The following TRIM72 variants were observed in gnomAD, a reference collection of about 807,000 sequenced individuals.
TRIM72 encodes the protein tripartite motif-containing protein 72.
In TRIM72, 33 loss-of-function variants were observed where a neutral mutation model predicts 31.6. The observed-to-expected ratio is 1.04, with a 90% CI of 0.79 to 1.40. The LOEUF (loss-of-function observed/expected upper bound fraction) is 1.40. Ranked by LOEUF, TRIM72 falls within the 40% of genes most tolerant of loss-of-function variation. The pLI is 0.00. For missense variants in TRIM72, 666 were observed against 682.7 expected (o/e 0.98, Z 0.27); for synonymous variants, 301 against 314.4 (o/e 0.96, Z 0.45).
intron 5 of TRIM72, among the ~76,000 whole-genome samples, chr16:31,222,364 G>C (rs2079537630): frequency 6.9e-6 from 1 of 145,672 alleles, no homozygotes; most frequent in Non-Finnish European, 1.5e-5. Flanking sequence ...CTACACCCCA[G>C]CCTGGGTGAT....
At position 31,224,479 on chromosome 16, in the gene TRIM72, C is replaced by A. The variant is rs772123304; in HGVS notation, c.1158C>A (p.Arg386=). 2.7e-6 allele frequency: 4 copies of A among 1,477,494 alleles called. No individual in the cohort carries two copies. The highest frequency in any genetic ancestry group is 3.6e-6 in the Non-Finnish European group (4 of 1,124,940). 91.5% of individuals were successfully genotyped at this position (1,477,494 alleles called of 1,614,324 possible). A position where few individuals can be genotyped will look rare whatever the true frequency, so the allele number is the denominator to read the frequency against. The part of the protein sequence containing the change: ...PSQGLWLLGL[R]EGKILEAHVE... Reference sequence around the variant, plus strand: ...AGGGCCTGTGGCTGCTGGGGCTGCGCGAGGGCAAGATCCTGGAGGCACACG... The same window carrying A: ...AGGGCCTGTGGCTGCTGGGGCTGCGAGAGGGCAAGATCCTGGAGGCACACG... Residue 386 remains arginine (R), a synonymous_variant, in exon 7 of 7, where the codon CGC becomes CGA. Coordinates refer to ENST00000322122, the MANE Select transcript of TRIM72 (RefSeq NM_001008274.4).
rs199876193 is a variant in TRIM72, at chr16:31,215,120, C to T, written c.382C>T (p.Arg128Cys). Residue 128 changes from arginine (R) to cysteine (C), a missense_variant, in exon 2 of 7, where the codon CGC becomes TGC. Transcript: ENST00000322122. This position sits in a 1 kb window ranked among gnomAD's most constrained non-coding sequence, Gnocchi z 6.3. ...CCTGCCTGCCGCCGAGGCCCACGCA[C>T]GCCTCAAGGTGCGGGATCCGCGCGC... is the stretch of plus-strand genomic sequence containing the variant. Reference protein sequence around the residue: ...RLLPAAEAHARLKTQLPQQKL... With the variant: ...RLLPAAEAHACLKTQLPQQKL... The T allele has an allele frequency of 9.0e-4, 1,296 of 1,442,044 alleles. 1 individual carries two copies. The highest frequency in any genetic ancestry group is 1.1e-3 in the Non-Finnish European group (1,265 of 1,106,706). The allele number at this position is 1,442,044 out of a possible 1,614,324, so 89.3% of individuals were successfully genotyped here. A position where few individuals can be genotyped will look rare whatever the true frequency, so the allele number is the denominator to read the frequency against.
intron 1 of TRIM72, 36 bp from the exon 2 acceptor site, chr16:31,214,696 C>A: frequency 2.7e-6 from 4 of 1,490,686 alleles, no homozygotes. Flanking sequence ...AGCGCGGCGC[C>A]GCGGGGTCCC....
At chr16:31,221,965 A>C (rs988408675) in intron 5 of TRIM72, among the ~76,000 whole-genome samples, 1 of 151,878 alleles carries the variant, frequency 6.6e-6, no homozygotes, top group Admixed American at 6.6e-5. Flanking sequence ...TGCTGGGAGA[A>C]TGGCATTGCT....
rs34887090 is a variant in TRIM72 at position 31,231,033 on chromosome 16, G to GT, written c.*6288dup. 2,374 of 147,378 alleles carry GT rather than the reference G, an allele frequency of 0.016. 31 individuals are homozygous for GT. The highest frequency in any genetic ancestry group is 0.026 in the Non-Finnish European group (1,743 of 66,498). 9.1% of individuals were successfully genotyped at this position (147,378 alleles called of 1,614,324 possible). On this transcript the variant is annotated 3_prime_UTR_variant, in exon 7 of 7. Coordinates refer to ENST00000322122, the MANE Select transcript of TRIM72 (RefSeq NM_001008274.4). Reference sequence around the variant, plus strand: ...TAGGTTGCCTCTTTTGTTTTGTTTTGTTTTTTTTTTGAGATGGAGTCTCAC... The same window carrying GT: ...TAGGTTGCCTCTTTTGTTTTGTTTTGTTTTTTTTTTTGAGATGGAGTCTCAC...
intron 5 of TRIM72, 28 bp from the exon 6 acceptor site, chr16:31,222,784 CTCCCCCCTCACACAT>C: frequency 1.7e-6 from 1 of 599,516 alleles, no homozygotes; most frequent in South Asian, 2.2e-5. Flanking sequence ...AGCCCTTGTC[CTCCCCCCTCACACAT>C]GCCTCCCCTT....
Position 31,224,556 on chromosome 16 carries a change from G to T in TRIM72, c.1235G>T (p.Arg412Leu), listed in dbSNP as rs1326474252. The change falls in exon 7 of 7, where the codon CGC (arginine) becomes CTC (leucine). Residue 412 changes from arginine (R) to leucine (L), a missense_variant. Physicochemically the swap from Arg to Leu is moderately radical, Grantham distance 102. Coordinates refer to ENST00000322122, the MANE Select transcript of TRIM72 (RefSeq NM_001008274.4). The stretch of plus-strand genomic sequence containing the variant: ...CGCAGCCCCGAGAGGCGGCCCACGC[G>T]CATTGGCCTTTACCTGAGCTTCGGC... ...ALRSPERRPT[R>L]IGLYLSFGDG... 1.9e-6 allele frequency: 3 copies of T among 1,540,960 alleles called. No individual in the cohort carries two copies. Among genetic ancestry groups the T allele is most frequent in the Non-Finnish European group, 2.6e-6 (3 of 1,148,236 alleles).
At chr16:31,221,049 A>G (rs1596941196) in intron 5 of TRIM72, 131 bp downstream of exon 5, 1 of 1,181,546 alleles carries the variant, frequency 8.5e-7, no homozygotes, top group East Asian at 2.4e-5. Context: ...CCCTGCCTGA[A>G]CACAAGGTTG....
chr16:31,222,787 C>T (rs771556749), intron 5 of TRIM72, 40 bp from the exon 6 acceptor site: 1 of 641,906 alleles, frequency 1.6e-6, no homozygotes, highest in Non-Finnish European at 2.6e-6. Flanking sequence ...CCTTGTCCTC[C>T]CCCCTCACAC....
rs2079549541 is a variant in TRIM72 at position 31,224,782 on chromosome 16, C to T, written c.*27C>T. Reference sequence around the variant, plus strand: ...CCGCCGGACGGGTAGTGGAGGGGCGCGGGGGCCTGGGTTGAAGCTTAGGTC... The same window carrying T: ...CCGCCGGACGGGTAGTGGAGGGGCGTGGGGGCCTGGGTTGAAGCTTAGGTC... On this transcript the variant is annotated 3_prime_UTR_variant, in exon 7 of 7. Coordinates refer to ENST00000322122, the MANE Select transcript of TRIM72 (RefSeq NM_001008274.4). The T allele has an allele frequency of 1.4e-6, 2 of 1,434,578 alleles. No homozygotes were observed. The highest frequency in any genetic ancestry group is 2.9e-5 in the African/African-American group (2 of 68,264). 88.9% of individuals were successfully genotyped at this position (1,434,578 alleles called of 1,614,324 possible).
At position 31,214,833 on chromosome 16, in the gene TRIM72, GT is replaced by G; in HGVS notation, c.98del (p.Phe33SerfsTer6). The G allele has an allele frequency of 6.4e-7, 1 of 1,557,326 alleles. No individual in the cohort carries two copies. The highest frequency in any genetic ancestry group is 8.6e-7 in the Non-Finnish European group (1 of 1,161,532). On this transcript the variant is annotated frameshift_variant, in exon 2 of 7. Coordinates refer to ENST00000322122, the MANE Select transcript of TRIM72 (RefSeq NM_001008274.4). LOFTEE classifies it high-confidence loss of function. ...CCCGTGACAGCCGAGTGCGGCCACAGTTTCTGCCGCGCCTGCCTAGGCCGCG... is the reference window on the plus strand; with the variant it reads ...CCCGTGACAGCCGAGTGCGGCCACAGTTCTGCCGCGCCTGCCTAGGCCGCG... Reference protein sequence around the residue: ...DAPVTAECGHSFCRACLGRVA... With the variant: ...DAPVTAECGHXFCRACLGRVA...
chr16:31,215,030 G>T lies in TRIM72; in HGVS notation c.292G>T (p.Glu98Ter). ...CCTGGACCCGCTGAGCATCTACTGC[G>T]AGCAGGACCGCGCGCTGGTGTGCGG... is the stretch of plus-strand genomic sequence containing the variant. ...EHLDPLSIYC[E>*]QDRALVCGVC... The change falls in exon 2 of 7, where the codon GAG becomes TAG. Residue 98 changes from glutamate to a stop codon, truncating the protein, a stop_gained. Coordinates refer to ENST00000322122, the MANE Select transcript of TRIM72 (RefSeq NM_001008274.4). LOFTEE classifies it high-confidence loss of function. The surrounding 1 kb of genome is among the most constrained non-coding windows in gnomAD (Gnocchi z 6.3). 1 of 1,504,854 alleles carries T rather than the reference G, an allele frequency of 6.6e-7. No individual in the cohort carries two copies. Among genetic ancestry groups the T allele is most frequent in the Non-Finnish European group, 8.8e-7 (1 of 1,135,026 alleles). 93.2% of individuals were successfully genotyped at this position (1,504,854 alleles called of 1,614,324 possible).
chr16:31,216,614 G>A lies in TRIM72; in HGVS notation c.390+1486G>A, dbSNP rs2079509889. ...GCAGCCCAGCCCTTCGCCCCCGGGA[G>A]GGGCTGGCCGGAGGTCTGAGGGAGG... On this transcript the variant is annotated intron_variant, in intron 2 of 6. Transcript: ENST00000322122. This position sits in a 1 kb window ranked among gnomAD's most constrained non-coding sequence, Gnocchi z 6.7. 4.1e-6 allele frequency: 4 copies of A among 977,716 alleles called. No homozygotes were observed. The East Asian group carries it at 9.9e-5, about 24-fold the overall frequency. The allele number at this position is 977,716 out of a possible 1,614,324, so 60.6% of individuals were successfully genotyped here. A position where few individuals can be genotyped will look rare whatever the true frequency, so the allele number is the denominator to read the frequency against.
At chr16:31,223,020 C>A in intron 6 of TRIM72, 75 bp downstream of exon 6, 1 of 1,157,260 alleles carries the variant, frequency 8.6e-7, no homozygotes, top group Non-Finnish European at 1.2e-6. Flanking sequence ...CTGGAGAGGC[C>A]TCCCAGTCCC....
In TRIM72 at chr16:31,219,247, C is replaced by T; in HGVS notation, c.487-42C>T. On this transcript the variant is annotated intron_variant, in intron 3 of 6. Coordinates refer to ENST00000322122, the MANE Select transcript of TRIM72 (RefSeq NM_001008274.4). This position sits in a 1 kb window ranked among gnomAD's most constrained non-coding sequence, Gnocchi z 4.2. ...TGGGGGCCAGGCTAGGGGTCTCCAG[C>T]CAAGAGTCTTTATCCCTTCAATCAC... The T allele has an allele frequency of 1.2e-6, 2 of 1,614,030 alleles. No homozygotes were observed. Among genetic ancestry groups the T allele is most frequent in the Non-Finnish European group, 8.5e-7 (1 of 1,179,912 alleles).
At chr16:31,217,042 G>A in intron 2 of TRIM72, 3 of 1,603,662 alleles carry the variant, frequency 1.9e-6, no homozygotes, top group South Asian at 1.1e-5. Context: ...TCAGCCCTGC[G>A]CCTCTGAGCC....
At position 31,218,917 on chromosome 16, in the gene TRIM72, C is replaced by T. The variant is rs914880751; in HGVS notation, c.391-178C>T. ...ATAGACAAGGGGCAGGGGAAGCATTCGGACCTCAGGAGTAGCACTGGCTGG... is the reference window on the plus strand; with the variant it reads ...ATAGACAAGGGGCAGGGGAAGCATTTGGACCTCAGGAGTAGCACTGGCTGG... On this transcript the variant is annotated intron_variant, in intron 2 of 6. Transcript: ENST00000322122. Among the ~76,000 whole-genome samples, 12 of 152,030 alleles carry T rather than the reference C, an allele frequency of 7.9e-5. 1 individual carries two copies. The highest frequency in any genetic ancestry group is 2.7e-4 in the African/African-American group (11 of 41,390).
At chr16:31,214,705 C>T in intron 1 of TRIM72, 27 bp from the exon 2 acceptor site, 4 of 1,531,558 alleles carry the variant, frequency 2.6e-6, no homozygotes, top group Middle Eastern at 2.1e-4. Flanking sequence ...CCGCGGGGTC[C>T]CCCTAACCTA....
Position 31,230,334 on chromosome 16 carries a change from T to A in TRIM72, c.*5579T>A, listed in dbSNP as rs2144205694. 6.6e-6 allele frequency: 1 copy of A among 152,222 alleles called. No individual in the cohort carries two copies. Among genetic ancestry groups the A allele is most frequent in the Non-Finnish European group, 1.5e-5 (1 of 68,026 alleles). The allele number at this position is 152,222 out of a possible 1,614,324, so 9.4% of individuals were successfully genotyped here. A position where few individuals can be genotyped will look rare whatever the true frequency, so the allele number is the denominator to read the frequency against. ...ATGTTTTTCCTTGAAAAGTAAAAAA[T>A]GATGTAATGCATGTCTCAACTGAAT... On this transcript the variant is annotated 3_prime_UTR_variant, in exon 7 of 7. Coordinates refer to ENST00000322122, the MANE Select transcript of TRIM72 (RefSeq NM_001008274.4).
Sources: allele counts gnomAD v4.1 joint callset (sites outside exome capture counted in the v4.1 genomes callset), GRCh38; gene constraint gnomAD v4.1.1; non-coding constraint Gnocchi (gnomAD v3.1); transcripts MANE v1.5; gene names NCBI Gene and HGNC (gene_info 2026-07-23, HGNC 2026-07-21).